GRIA1: variants seen among roughly 807,000 people sequenced by gnomAD.
GRIA1 encodes the protein glutamate ionotropic receptor AMPA type subunit 1.
GRIA1 carries 31 observed loss-of-function variants against 99.2 expected under a neutral mutation model. The observed-to-expected ratio is 0.31, with a 90% CI of 0.23 to 0.42. The LOEUF (loss-of-function observed/expected upper bound fraction) is 0.42. Ranked by LOEUF, GRIA1 falls within the 10% of genes least tolerant of loss-of-function variation. The pLI is 1.00. For missense variants in GRIA1, 782 were observed against 1,157.5 expected, an observed-to-expected ratio of 0.68 and a Z score of 4.71; for synonymous variants, 438 against 432.4, an observed-to-expected ratio of 1.01 and a Z score of -0.16.
intron 13 of GRIA1, among the ~76,000 whole-genome samples, chr5:153,771,194 T>G (rs1295238269): frequency 2.0e-5 from 3 of 152,126 alleles, no homozygotes; most frequent in Admixed American, 2.0e-4. Flanking sequence ...AGGTCTGAAG[T>G]GGTTGTGAGT....
At chr5:153,577,718 T>C (rs1343061773) in intron 2 of GRIA1, among the ~76,000 whole-genome samples, 1 of 152,214 alleles carries the variant, frequency 6.6e-6, no homozygotes, top group Non-Finnish European at 1.5e-5. Context: ...ATTGATTCCT[T>C]ACTCTGAGGC....
chr5:153,808,958 A>G (rs1238248825), intron 15 of GRIA1, among the ~76,000 whole-genome samples: 1 of 152,234 alleles, frequency 6.6e-6, no homozygotes, highest in Non-Finnish European at 1.5e-5. Context: ...TAGGTTATCA[A>G]TCTTGTCCTT....
intron 11 of GRIA1, among the ~76,000 whole-genome samples, chr5:153,750,648 C>A (rs1762451285): frequency 6.6e-6 from 1 of 152,136 alleles, no homozygotes; most frequent in African/African-American, 2.4e-5. Context: ...TGCCCCTATA[C>A]CCAGGTTGCT....
chr5:153,646,174 A>G (rs1408931268), intron 2 of GRIA1, among the ~76,000 whole-genome samples: 1 of 152,206 alleles, frequency 6.6e-6, no homozygotes, highest in Admixed American at 6.5e-5. Context: ...TCCTGTGGGT[A>G]TGTTCTCACA....
At chr5:153,669,700 T>C (rs1430087691) in intron 5 of GRIA1, among the ~76,000 whole-genome samples, 1 of 152,240 alleles carries the variant, frequency 6.6e-6, no homozygotes, top group East Asian at 1.9e-4. Context: ...TCTTTCCAAT[T>C]CTATACTTCA....
intron 10 of GRIA1, among the ~76,000 whole-genome samples, chr5:153,704,262 T>C (rs1463805665): frequency 1.3e-5 from 2 of 152,250 alleles, no homozygotes; most frequent in Non-Finnish European, 2.9e-5. Flanking sequence ...ACTTCTGGGC[T>C]GTTGTACAGC....
intron 2 of GRIA1, among the ~76,000 whole-genome samples, chr5:153,504,359 T>C (rs1755291943): frequency 6.6e-6 from 1 of 151,576 alleles, no homozygotes; most frequent in African/African-American, 2.4e-5. Context: ...TATATATATA[T>C]ACACTATCTA....
rs768636877 is a variant in GRIA1, at chr5:153,811,152, T to G, written c.2648T>G (p.Phe883Cys). The change falls in exon 16 of 16, where the codon TTC becomes TGC. Residue 883 changes from phenylalanine (F) to cysteine (C), a missense_variant. Phe to Cys is a radical substitution (Grantham distance 205, BLOSUM62 -2). This residue lies in a region of GRIA1 where 76 missense variants were observed against 81.2 expected (regional missense o/e 0.94). Transcript: ENST00000285900. Reference sequence around the variant, plus strand: ...AATGGTCGGGTGGTCAGCCATGACTTCCCCAAGTCCATGCAATCGATTCCT... The same window carrying G: ...AATGGTCGGGTGGTCAGCCATGACTGCCCCAAGTCCATGCAATCGATTCCT... ...GENGRVVSHDFPKSMQSIPCM... is the reference protein window; with the variant it reads ...GENGRVVSHDCPKSMQSIPCM... 1.2e-6 allele frequency: 2 copies of G among 1,613,892 alleles called. No individual in the cohort carries two copies. The highest frequency in any genetic ancestry group is 2.2e-5 in the South Asian group (2 of 91,040).
chr5:153,788,852 T>G (rs1405410127), intron 13 of GRIA1, among the ~76,000 whole-genome samples: 1 of 152,226 alleles, frequency 6.6e-6, no homozygotes, highest in Non-Finnish European at 1.5e-5. Flanking sequence ...TAGATGTCCC[T>G]TCTATAAAAT....
chr5:153,636,468 C>T (rs1196206756), intron 2 of GRIA1, among the ~76,000 whole-genome samples: 1 of 152,136 alleles, frequency 6.6e-6, no homozygotes, highest in Non-Finnish European at 1.5e-5. Context: ...AATATGTAAA[C>T]TCATTTGTTT....
intron 15 of GRIA1, among the ~76,000 whole-genome samples, chr5:153,804,528 C>A (rs1472990993): frequency 6.6e-6 from 1 of 152,128 alleles, no homozygotes; most frequent in Non-Finnish European, 1.5e-5. Context: ...ATGACTCAAG[C>A]CAGAGGCCCA....
chr5:153,554,716 A>T (rs1760466430), intron 2 of GRIA1, among the ~76,000 whole-genome samples: 1 of 152,160 alleles, frequency 6.6e-6, no homozygotes, highest in African/African-American at 2.4e-5. Context: ...CTGGTCACAA[A>T]CTGCTGACCT....
chr5:153,707,119 T>TA (rs1214421340), intron 11 of GRIA1, among the ~76,000 whole-genome samples: 38 of 150,328 alleles, frequency 2.5e-4, no homozygotes, highest in East Asian at 2.1e-3. Context: ...ACTCTGTCTT[T>TA]AAAAAAAAAG....
chr5:153,530,871 G>C (rs1025710400), intron 2 of GRIA1, among the ~76,000 whole-genome samples: 2 of 152,250 alleles, frequency 1.3e-5, no homozygotes, highest in Non-Finnish European at 2.9e-5. Flanking sequence ...GAACACCTAT[G>C]ATGTGCCAGT....
Position 153,701,619 on chromosome 5 carries a change from C to CAAAAAAAAAAAAAAAAAAAAAAAA in GRIA1, c.1452+2569_1452+2570insAAAAAAAAAAAAAAAAAAAAAAAA, listed in dbSNP as rs70978504. ...CTGGGCGACAAAGCGAGACCCGTCT[C>CAAAAAAAAAAAAAAAAAAAAAAAA]AAAAAAAAAAAAAAAAAAAAAAATA... On this transcript the variant is annotated intron_variant, in intron 10 of 15. Coordinates refer to ENST00000285900, the MANE Select transcript of GRIA1 (RefSeq NM_000827.4). 7.0e-3 allele frequency among the ~76,000 whole-genome samples: 274 copies of CAAAAAAAAAAAAAAAAAAAAAAAA among 39,386 alleles called. 55 individuals carry two copies. The highest frequency in any genetic ancestry group is 0.035 in the East Asian group (19 of 540). 25.8% of individuals were successfully genotyped at this position (39,386 alleles called of 152,430 possible).
intron 11 of GRIA1, among the ~76,000 whole-genome samples, chr5:153,751,315 CAGA>C (rs1160347674): frequency 6.6e-6 from 1 of 152,220 alleles, no homozygotes; most frequent in African/African-American, 2.4e-5. Flanking sequence ...GGTGTTTGTG[CAGA>C]AGAACTAATA....
At chr5:153,637,952 T>G (rs1422890) in intron 2 of GRIA1, among the ~76,000 whole-genome samples, 103,956 of 151,304 alleles carry the variant, frequency 0.69, 35,989 homozygotes, top group East Asian at 0.79. Flanking sequence ...TTCCTTCAAG[T>G]GGGCTTAAAT....
intron 14 of GRIA1, among the ~76,000 whole-genome samples, chr5:153,797,953 G>C (rs1261485256): frequency 1.3e-5 from 2 of 152,148 alleles, no homozygotes; most frequent in Non-Finnish European, 2.9e-5. Context: ...AGTCTCTAGG[G>C]AGAATTTTTA....
In GRIA1 at chr5:153,794,546, G is replaced by A. The variant is rs529222216; in HGVS notation, c.2271-75G>A. On this transcript the variant is annotated intron_variant, in intron 13 of 15. Coordinates refer to ENST00000285900, the MANE Select transcript of GRIA1 (RefSeq NM_000827.4). ...GGCTGGGTAATGGAGCTGATTCACCGATCCCTTGGGTCACGTGACTTGCTG... is the reference window on the plus strand; with the variant it reads ...GGCTGGGTAATGGAGCTGATTCACCAATCCCTTGGGTCACGTGACTTGCTG... 5.7e-5 allele frequency: 56 copies of A among 990,926 alleles called. 3 individuals are homozygous for A. Among genetic ancestry groups the A allele is most frequent in the South Asian group, 3.5e-4 (27 of 76,412 alleles). The allele number at this position is 990,926 out of a possible 1,614,324, so 61.4% of individuals were successfully genotyped here. A position where few individuals can be genotyped will look rare whatever the true frequency, so the allele number is the denominator to read the frequency against.
Sources: allele counts gnomAD v4.1 joint callset (sites outside exome capture counted in the v4.1 genomes callset), GRCh38; gene constraint gnomAD v4.1.1; regional missense constraint gnomAD v4.1.1; transcripts MANE v1.5; gene names NCBI Gene and HGNC (gene_info 2026-07-23, HGNC 2026-07-21).